Variants in CCNJL observed in about 807,000 individuals in gnomAD.
The protein encoded by CCNJL is cyclin J like, also known as cyclin-J-like protein.
In CCNJL, 33 loss-of-function variants were observed where a neutral mutation model predicts 33.4. That is an observed-to-expected ratio of 0.99 (90% CI 0.75 to 1.32). The LOEUF is 1.32. CCNJL is among the 40% of genes most tolerant of loss of function. The pLI is 0.00. For synonymous variants in CCNJL, 227 were observed against 220.9 expected (o/e 1.03, Z -0.24); for missense variants, 512 against 499.7 (o/e 1.02, Z -0.23).
intron 1 of CCNJL, among the ~76,000 whole-genome samples, chr5:160,337,817 C>T (rs554873703): frequency 1.3e-5 from 2 of 152,186 alleles, no homozygotes; most frequent in Non-Finnish European, 2.9e-5. Flanking sequence ...ACCAATCCTT[C>T]AAGATAGATC....
chr5:160,295,183 G>A (rs571182372), intron 2 of CCNJL, among the ~76,000 whole-genome samples: 2 of 152,186 alleles, frequency 1.3e-5, no homozygotes, highest in Non-Finnish European at 2.9e-5. Flanking sequence ...CAAAACCTCA[G>A]AATGTGACCT....
intron 2 of CCNJL, among the ~76,000 whole-genome samples, chr5:160,283,342 G>C (rs924550195): frequency 9.9e-5 from 15 of 152,126 alleles, no homozygotes; most frequent in Non-Finnish European, 1.8e-4. Context: ...GAGGTTAGGG[G>C]TAACAGTTAA....
At chr5:160,320,818 T>C (rs939412987) in intron 1 of CCNJL, among the ~76,000 whole-genome samples, 121 of 109,842 alleles carry the variant, frequency 1.1e-3, no homozygotes, top group Middle Eastern at 4.7e-3. Context: ...TCTTTCTTTC[T>C]TTCTTTCTTT....
At chr5:160,309,570 C>T (rs77345877) in intron 2 of CCNJL, among the ~76,000 whole-genome samples, 186 of 152,286 alleles carry the variant, frequency 1.2e-3, no homozygotes, top group Non-Finnish European at 2.0e-3. Flanking sequence ...AAAACAATTA[C>T]CCTGTCTGAG....
intron 2 of CCNJL, among the ~76,000 whole-genome samples, chr5:160,309,576 C>T (rs1763201402): frequency 6.6e-6 from 1 of 152,186 alleles, no homozygotes; most frequent in Admixed American, 6.5e-5. Context: ...ATTACCCTGT[C>T]TGAGAAAAAC....
chr5:160,300,030 G>T (rs1275007023), intron 2 of CCNJL, among the ~76,000 whole-genome samples: 1 of 152,034 alleles, frequency 6.6e-6, no homozygotes, highest in African/African-American at 2.4e-5. Context: ...CGATGCTTCT[G>T]TTCTGAATGA....
chr5:160,256,492 G>T (rs1175154249), intron 4 of CCNJL, among the ~76,000 whole-genome samples: 1 of 152,194 alleles, frequency 6.6e-6, no homozygotes, highest in African/African-American at 2.4e-5. Flanking sequence ...GTTGACTGAG[G>T]AATCTTAATG....
At chr5:160,253,878 G>T in intron 5 of CCNJL, 80 bp from the exon 6 acceptor site, 1 of 1,173,218 alleles carries the variant, frequency 8.5e-7, no homozygotes, top group Non-Finnish European at 1.2e-6. Context: ...GTCTTGCTAA[G>T]TGGGACTGGA....
chr5:160,261,528 AAAG>A (rs940832065), intron 3 of CCNJL, among the ~76,000 whole-genome samples: 5 of 152,174 alleles, frequency 3.3e-5, no homozygotes, highest in African/African-American at 1.2e-4. Context: ...ACGCGAGGTC[AAAG>A]CTGCCCAGAG....
rs1761025678 is a variant in CCNJL at position 160,255,588 on chromosome 5, G to A, written c.704C>T (p.Ser235Phe). 6.2e-7 allele frequency: 1 copy of A among 1,614,058 alleles called. No individual in the cohort carries two copies. Among genetic ancestry groups the A allele is most frequent in the African/African-American group, 1.3e-5 (1 of 74,952 alleles). Residue 235 changes from serine to phenylalanine, a missense_variant, in exon 5 of 6, where the codon TCC becomes TTC. Physicochemically the swap from Ser to Phe is radical, Grantham distance 155. Transcript: ENST00000257536. ...TRDLQRISSY[S>F]LEHLSTCIEI... ...AATACACGTGCTGAGGTGCTCCAGG[G>A]AATAGCTTGAGATCCTCTGCAGGTC...
At chr5:160,300,069 C>A (rs1762876437) in intron 2 of CCNJL, among the ~76,000 whole-genome samples, 1 of 152,108 alleles carries the variant, frequency 6.6e-6, no homozygotes, top group Non-Finnish European at 1.5e-5. Flanking sequence ...CGTGTCCCCC[C>A]AACCCTTCCA....
At chr5:160,321,913 C>T (rs1763470014) in intron 1 of CCNJL, among the ~76,000 whole-genome samples, 2 of 152,194 alleles carry the variant, frequency 1.3e-5, no homozygotes, top group Non-Finnish European at 2.9e-5. Flanking sequence ...ACCCTGCCCC[C>T]TACCAGCAGG....
At chr5:160,266,994 C>T (rs938006837) in intron 3 of CCNJL, among the ~76,000 whole-genome samples, 1 of 152,150 alleles carries the variant, frequency 6.6e-6, no homozygotes, top group South Asian at 2.1e-4. Context: ...CCAGATGTCC[C>T]CCTCCCCCAG....
rs1158971560 is a variant in CCNJL at position 160,253,733 on chromosome 5, C to G, written c.809G>C (p.Gly270Ala). 3 of 1,570,136 alleles carry G rather than the reference C, an allele frequency of 1.9e-6. No individual in the cohort carries two copies. The African/African-American group carries it at 4.0e-5, about 21-fold the overall frequency. ...VKSQALAMVP[G>A]TPPTPTQVLF... The stretch of plus-strand genomic sequence containing the variant: ...CACTTGAGTGGGGGTGGGGGGTGTG[C>G]CGGGCACCATTGCCAAGGCCTGGCT... The change falls in exon 6 of 6, where the codon GGC (glycine) becomes GCC (alanine). Residue 270 changes from glycine to alanine, a missense_variant. Coordinates refer to ENST00000257536, the MANE Select transcript of CCNJL (RefSeq NM_001308173.3).
intron 2 of CCNJL, among the ~76,000 whole-genome samples, chr5:160,306,309 G>C (rs1285086552): frequency 6.7e-6 from 1 of 148,300 alleles, no homozygotes; most frequent in East Asian, 2.0e-4. Flanking sequence ...TCACAGAGCT[G>C]AAGTCCTCTG....
chr5:160,314,117 C>T (rs534851340), upstream of CCNJL, among the ~76,000 whole-genome samples: 15 of 152,248 alleles, frequency 9.9e-5, no homozygotes, highest in South Asian at 3.1e-3. Flanking sequence ...TGCAGTGAGC[C>T]GAGATCGTGC....
At chr5:160,323,164 G>A (rs1449158882) in intron 1 of CCNJL, among the ~76,000 whole-genome samples, 5 of 151,752 alleles carry the variant, frequency 3.3e-5, no homozygotes, top group Admixed American at 3.3e-4. Flanking sequence ...GAACCCGGGA[G>A]GCGGAGGTTG....
chr5:160,273,900 C>T (rs147849620), intron 3 of CCNJL, among the ~76,000 whole-genome samples: 9,451 of 151,814 alleles, frequency 0.062, 405 homozygotes, highest in South Asian at 0.24. Flanking sequence ...CCACCCACCT[C>T]GGCCTCCCAA....
intron 1 of CCNJL, among the ~76,000 whole-genome samples, chr5:160,337,142 T>C (rs1440484944): frequency 3.3e-5 from 5 of 150,926 alleles, no homozygotes; most frequent in Admixed American, 6.6e-5. Flanking sequence ...TAGCTGGGGC[T>C]ACAGGCACGT....
Sources: allele counts gnomAD v4.1 joint callset (sites outside exome capture counted in the v4.1 genomes callset), GRCh38; gene constraint gnomAD v4.1.1; transcripts MANE v1.5; gene names NCBI Gene and HGNC (gene_info 2026-07-23, HGNC 2026-07-21).